Variants in SLC14A2 observed in about 807,000 individuals in gnomAD.
SLC14A2 encodes urea transporter 2.
In SLC14A2, 91 loss-of-function variants were observed where a neutral mutation model predicts 104.6. The observed-to-expected ratio is 0.87, with a 90% CI of 0.73 to 1.04. The LOEUF (loss-of-function observed/expected upper bound fraction) is 1.04, where lower values mean the gene tolerates loss of function less well. Ranked by LOEUF, SLC14A2 falls within the 50% of genes least tolerant of loss-of-function variation. SLC14A2 has a pLI of 0.00. For synonymous variants in SLC14A2, 476 were observed against 466.4 expected (o/e 1.02, Z -0.27); for missense variants, 1,189 against 1,156.0 (o/e 1.03, Z -0.41).
At chr18:45,603,707 C>T (rs2044823845) in intron 2 of SLC14A2, among the ~76,000 whole-genome samples, 1 of 152,116 alleles carries the variant, frequency 6.6e-6, no homozygotes, top group African/African-American at 2.4e-5. Context: ...CAGAGCTCTC[C>T]CAGTGGAGGA....
At chr18:45,183,647 TTCTTTCTTTTTCTTTTTTTCTG>T in the SLC14A2 span, among the ~76,000 whole-genome samples, 3 of 151,554 alleles carry the variant, frequency 2.0e-5, no homozygotes, top group Admixed American at 6.6e-5. Context: ...TCTTTTCCTT[TTCTTTCTTTTTCTTTTTTTCTG>T]TCTTTCTTTC....
intron 1 of SLC14A2, among the ~76,000 whole-genome samples, chr18:45,430,780 CAG>C (rs1298414923): frequency 1.3e-5 from 2 of 151,906 alleles, no homozygotes; most frequent in Non-Finnish European, 2.9e-5. Flanking sequence ...GAAAACCAGA[CAG>C]AGAAAGAGAG....
intron 1 of SLC14A2, among the ~76,000 whole-genome samples, chr18:45,324,294 T>C (rs923393639): frequency 5.9e-5 from 9 of 152,214 alleles, no homozygotes; most frequent in Admixed American, 2.0e-4. Flanking sequence ...CACTGTTTCC[T>C]TGTACTTGTG....
At chr18:45,608,989 G>C (rs1599060442) in intron 2 of SLC14A2, among the ~76,000 whole-genome samples, 1 of 152,210 alleles carries the variant, frequency 6.6e-6, no homozygotes, top group Admixed American at 6.5e-5. Context: ...CAATGGAAAA[G>C]AAGAGCCCTA....
chr18:45,568,712 C>A (rs2044302689), intron 2 of SLC14A2, among the ~76,000 whole-genome samples: 1 of 152,136 alleles, frequency 6.6e-6, no homozygotes, highest in African/African-American at 2.4e-5. Flanking sequence ...AATGACAATA[C>A]GAAGTAGAGG....
rs1337421084 is a variant in SLC14A2, at chr18:45,446,261, C to T, written c.-124-36972C>T. Among the ~76,000 whole-genome samples the T allele has an allele frequency of 2.0e-5, 3 of 150,688 alleles. No homozygotes were observed. The East Asian group carries it at 5.8e-4, about 29-fold the overall frequency. On this transcript the variant is annotated intron_variant, in intron 1 of 20. Coordinates refer to the SLC14A2 transcript ENST00000586448. The stretch of plus-strand genomic sequence containing the variant: ...TGCCCTCCTCATTCATATGTTGAAG[C>T]CCTAACCCCATATATGATGGGTTTT...
At chr18:45,321,360 G>C (rs994947465) in intron 1 of SLC14A2, among the ~76,000 whole-genome samples, 1 of 152,148 alleles carries the variant, frequency 6.6e-6, no homozygotes, top group African/African-American at 2.4e-5. Flanking sequence ...ATTACTGTAA[G>C]GTCCACAAGA....
chr18:45,331,781 A>G (rs563212187), intron 1 of SLC14A2, among the ~76,000 whole-genome samples: 27 of 152,348 alleles, frequency 1.8e-4, no homozygotes, highest in African/African-American at 6.5e-4. Context: ...GATCCTTAAC[A>G]TTCTAGCACT....
intron 1 of SLC14A2, among the ~76,000 whole-genome samples, chr18:45,215,168 C>T (rs1449513139): frequency 6.6e-6 from 1 of 152,062 alleles, no homozygotes; most frequent in South Asian, 2.1e-4. Flanking sequence ...GAAAAAAATG[C>T]CTGTATCTTT....
intron 1 of SLC14A2, among the ~76,000 whole-genome samples, chr18:45,283,881 T>C (rs952679732): frequency 2.6e-5 from 4 of 152,206 alleles, no homozygotes; most frequent in African/African-American, 9.7e-5. Flanking sequence ...ACTAGCCCTC[T>C]GTGACTACAG....
chr18:45,460,008 T>A (rs1285359329), intron 1 of SLC14A2, among the ~76,000 whole-genome samples: 1 of 152,192 alleles, frequency 6.6e-6, no homozygotes, highest in Admixed American at 6.5e-5. Flanking sequence ...AGGTCCAATC[T>A]TTTTGGTCAG....
intron 1 of SLC14A2, among the ~76,000 whole-genome samples, chr18:45,368,612 C>T (rs1183232237): frequency 6.6e-6 from 1 of 152,198 alleles, no homozygotes; most frequent in Non-Finnish European, 1.5e-5. Flanking sequence ...ATCCATGAAA[C>T]TTCGCAAATG....
chr18:45,214,470 A>G (rs917074359), intron 1 of SLC14A2, among the ~76,000 whole-genome samples: 4 of 152,202 alleles, frequency 2.6e-5, no homozygotes, highest in Non-Finnish European at 4.4e-5. Context: ...AGATGAATGT[A>G]TCTATTATTC....
chr18:45,678,618 C>A (rs2046264052), intron 18 of SLC14A2, among the ~76,000 whole-genome samples: 1 of 152,202 alleles, frequency 6.6e-6, no homozygotes, highest in South Asian at 2.1e-4. Flanking sequence ...ATGAAATATT[C>A]CAGTAGGGAG....
chr18:45,481,273 T>C (rs2087487988), intron 1 of SLC14A2, among the ~76,000 whole-genome samples: 1 of 152,186 alleles, frequency 6.6e-6, no homozygotes, highest in African/African-American at 2.4e-5. Context: ...GATTTTTCTC[T>C]GTTATTTCAT....
At chr18:45,373,320 G>C (rs2144359141) in intron 1 of SLC14A2, among the ~76,000 whole-genome samples, 1 of 152,226 alleles carries the variant, frequency 6.6e-6, no homozygotes, top group South Asian at 2.1e-4. Flanking sequence ...TAGCATAGTT[G>C]CTGCATTGGG....
intron 1 of SLC14A2, among the ~76,000 whole-genome samples, chr18:45,384,662 C>A (rs566744748): frequency 1.3e-5 from 2 of 152,232 alleles, no homozygotes; most frequent in East Asian, 1.9e-4. Flanking sequence ...GCCTCTCCCC[C>A]CGACAACCCC....
At chr18:45,337,283 T>C (rs2085346883) in intron 1 of SLC14A2, among the ~76,000 whole-genome samples, 1 of 152,272 alleles carries the variant, frequency 6.6e-6, no homozygotes, top group Non-Finnish European at 1.5e-5. Context: ...CCCATGCCGA[T>C]TATTTAGTTA....
chr18:45,514,081 T>A (rs2043404063), intron 2 of SLC14A2, among the ~76,000 whole-genome samples: 1 of 152,174 alleles, frequency 6.6e-6, no homozygotes, highest in Non-Finnish European at 1.5e-5. Flanking sequence ...GAAAAAAACA[T>A]TTTTTCCAAG....
Sources: allele counts gnomAD v4.1 joint callset (sites outside exome capture counted in the v4.1 genomes callset), GRCh38; gene constraint gnomAD v4.1.1; transcripts MANE v1.5; gene names NCBI Gene and HGNC (gene_info 2026-07-23, HGNC 2026-07-21).